TACR3: variants seen among roughly 807,000 people sequenced by gnomAD.
TACR3 encodes tachykinin receptor 3, also known as neuromedin-K receptor.
A neutral mutation model predicts 35.0 loss-of-function variants in TACR3; 34 were observed. The ratio of observed to expected loss-of-function variants is 0.97; its 90% CI spans 0.74 to 1.30. TACR3 has a LOEUF of 1.30. Among genes scored for constraint, TACR3 ranks in the 50% most tolerant of loss-of-function variants. TACR3 has a pLI of 0.00. For missense variants in TACR3, 558 were observed against 591.7 expected, an observed-to-expected ratio of 0.94 and a Z score of 0.59; for synonymous variants, 233 against 221.1, an observed-to-expected ratio of 1.05 and a Z score of -0.48.
intron 1 of TACR3, among the ~76,000 whole-genome samples, chr4:103,683,297 A>G (rs1463903470): frequency 6.6e-6 from 1 of 151,926 alleles, no homozygotes; most frequent in Admixed American, 6.6e-5. Flanking sequence ...ATCTGTGAAA[A>G]CTAGAAAAAA....
intron 3 of TACR3, among the ~76,000 whole-genome samples, chr4:103,649,065 T>C (rs1725525204): frequency 6.6e-6 from 1 of 152,152 alleles, no homozygotes; most frequent in African/African-American, 2.4e-5. Flanking sequence ...TTTATGCTTG[T>C]TGGCCATTTG....
At chr4:103,707,437 T>A (rs1722820539) in intron 1 of TACR3, among the ~76,000 whole-genome samples, 1 of 152,192 alleles carries the variant, frequency 6.6e-6, no homozygotes, top group Admixed American at 6.5e-5. Flanking sequence ...TTTTCTCCAA[T>A]CTTAATTTTT....
At chr4:103,678,145 G>A (rs1053800572) in intron 1 of TACR3, among the ~76,000 whole-genome samples, 3 of 151,958 alleles carry the variant, frequency 2.0e-5, no homozygotes, top group African/African-American at 2.4e-5. Flanking sequence ...AGTGATTCAA[G>A]GATTAAATGG....
intron 3 of TACR3, among the ~76,000 whole-genome samples, chr4:103,636,664 A>G (rs999112396): frequency 1.3e-5 from 2 of 152,110 alleles, no homozygotes; most frequent in African/African-American, 4.8e-5. Flanking sequence ...TTTTTTGAAA[A>G]GATCAACAAA....
At position 103,615,115 on chromosome 4, in the gene TACR3, C is replaced by G. The variant is rs901314423; in HGVS notation, c.889-23432G>C. On this transcript the variant is annotated intron_variant, in intron 3 of 4. Transcript: ENST00000304883. The stretch of plus-strand genomic sequence containing the variant: ...GTTTCACTGTGTTAGCCAGGATGGT[C>G]TCGATCTCCTGACCTCGTGATCCGC... Among the ~76,000 whole-genome samples, 5 of 151,724 alleles carry G rather than the reference C, an allele frequency of 3.3e-5. No homozygotes were observed. In the South Asian group the frequency reaches 1.0e-3, roughly 32 times the overall value.
At chr4:103,625,288 A>G (rs1313635798) in intron 3 of TACR3, among the ~76,000 whole-genome samples, 1 of 152,232 alleles carries the variant, frequency 6.6e-6, no homozygotes, top group Non-Finnish European at 1.5e-5. Context: ...TGAGACATTT[A>G]CAGAGTGCTC....
chr4:103,626,542 G>A (rs765042954), intron 3 of TACR3, among the ~76,000 whole-genome samples: 27 of 152,144 alleles, frequency 1.8e-4, no homozygotes, highest in Non-Finnish European at 3.4e-4. Flanking sequence ...ATGCCATGGA[G>A]ATTTGCAACA....
At chr4:103,704,311 G>A (rs1305746258) in intron 1 of TACR3, among the ~76,000 whole-genome samples, 1 of 152,124 alleles carries the variant, frequency 6.6e-6, no homozygotes, top group African/African-American at 2.4e-5. Context: ...TATGGAAAAG[G>A]AGATGGCATC....
chr4:103,711,959 G>A (rs1210230354), intron 1 of TACR3, among the ~76,000 whole-genome samples: 2 of 152,128 alleles, frequency 1.3e-5, no homozygotes, highest in African/African-American at 2.4e-5. Context: ...ACCTCTTCAA[G>A]AAGAACTACA....
chr4:103,690,536 A>G (rs898956785), intron 1 of TACR3, among the ~76,000 whole-genome samples: 1 of 152,122 alleles, frequency 6.6e-6, no homozygotes, highest in African/African-American at 2.4e-5. Flanking sequence ...CAATTCAATA[A>G]GAATAGTTAT....
chr4:103,676,842 G>C (rs1544394), intron 1 of TACR3, among the ~76,000 whole-genome samples: 1 of 151,854 alleles, frequency 6.6e-6, no homozygotes. Flanking sequence ...CAATTGCAGC[G>C]AAAGCAAAAA....
At chr4:103,602,206 G>T (rs977251541) in intron 3 of TACR3, among the ~76,000 whole-genome samples, 1 of 151,978 alleles carries the variant, frequency 6.6e-6, no homozygotes, top group Non-Finnish European at 1.5e-5. Flanking sequence ...CATTCGTCAC[G>T]TAGCTCTCGT....
At position 103,719,420 on chromosome 4, in the gene TACR3, C is replaced by G; in HGVS notation, c.256G>C (p.Ala86Pro). The G allele has an allele frequency of 6.2e-7, 1 of 1,614,250 alleles. No homozygotes were observed. The highest frequency in any genetic ancestry group is 8.5e-7 in the Non-Finnish European group (1 of 1,180,036). ...NQFVQPSWRIALWSLAYGVVV... is the reference protein window; with the variant it reads ...NQFVQPSWRIPLWSLAYGVVV... ...ACACCATACGCCAGGGACCAGAGCG[C>G]GATGCGCCAGGACGGCTGCACGAAC... Residue 86 changes from alanine (A) to proline (P), a missense_variant, in exon 1 of 5, where the codon GCG becomes CCG. Ala to Pro is a conservative substitution (Grantham distance 27, BLOSUM62 -1). Transcript: ENST00000304883.
At chr4:103,697,520 G>A (rs763150769) in intron 1 of TACR3, among the ~76,000 whole-genome samples, 1 of 151,914 alleles carries the variant, frequency 6.6e-6, no homozygotes, top group Non-Finnish European at 1.5e-5. Flanking sequence ...CGCCTCCCGG[G>A]TTCACTCCAT....
intron 3 of TACR3, among the ~76,000 whole-genome samples, chr4:103,631,019 C>T (rs1282378167): frequency 2.0e-5 from 3 of 152,104 alleles, no homozygotes; most frequent in Non-Finnish European, 2.9e-5. Context: ...GAGTTCATGT[C>T]CTTTGCAGGG....
chr4:103,664,385 G>T (rs1280894141), intron 1 of TACR3, among the ~76,000 whole-genome samples: 1 of 151,994 alleles, frequency 6.6e-6, no homozygotes, highest in Non-Finnish European at 1.5e-5. Context: ...TCTTCCTTTT[G>T]TTGGCATTTT....
At chr4:103,615,284 A>G (rs1181312967) in intron 3 of TACR3, among the ~76,000 whole-genome samples, 1 of 152,080 alleles carries the variant, frequency 6.6e-6, no homozygotes, top group Non-Finnish European at 1.5e-5. Context: ...GGAGGGCCAA[A>G]TACTTCTGTC....
At chr4:103,695,541 A>T (rs1722503453) in intron 1 of TACR3, among the ~76,000 whole-genome samples, 1 of 152,192 alleles carries the variant, frequency 6.6e-6, no homozygotes, top group Admixed American at 6.5e-5. Flanking sequence ...TACATATAAC[A>T]TACAAAATAT....
At chr4:103,590,128 G>A (rs1394224857) in intron 4 of TACR3, 134 bp from the exon 5 acceptor site, 8 of 1,018,538 alleles carry the variant, frequency 7.9e-6, no homozygotes, top group Non-Finnish European at 1.2e-5. Context: ...CAGACTCTTA[G>A]AATTTATGTC....
Sources: allele counts gnomAD v4.1 joint callset (sites outside exome capture counted in the v4.1 genomes callset), GRCh38; gene constraint gnomAD v4.1.1; transcripts MANE v1.5; gene names NCBI Gene and HGNC (gene_info 2026-07-23, HGNC 2026-07-21).